The following RMDN2 variants were observed in gnomAD, a reference collection of about 807,000 sequenced individuals.
The protein encoded by RMDN2 is regulator of microtubule dynamics 2, also known as regulator of microtubule dynamics protein 2.
A neutral mutation model predicts 52.8 loss-of-function variants in RMDN2; 61 were observed. The observed-to-expected ratio is 1.16, with a 90% CI of 0.94 to 1.43. The LOEUF (loss-of-function observed/expected upper bound fraction) is 1.43. Ranked by LOEUF, RMDN2 falls within the 40% of genes most tolerant of loss-of-function variation. The pLI, the probability that RMDN2 is intolerant of heterozygous loss-of-function variation, is 0.00. For missense variants in RMDN2, 592 were observed against 475.3 expected, an observed-to-expected ratio of 1.25 and a Z score of -2.28; for synonymous variants, 180 against 153.1, an observed-to-expected ratio of 1.18 and a Z score of -1.30.
chr2:38,031,689 C>T lies in RMDN2; in HGVS notation c.1713+27473C>T, dbSNP rs115206771. On this transcript the variant is annotated intron_variant, in intron 10 of 10. Coordinates refer to the RMDN2 transcript ENST00000234195. ...TAAGTATTAGTGACTATTATCAACACCTGGCTTCTTTACAAAGAGAAGAAA... is the reference window on the plus strand; with the variant it reads ...TAAGTATTAGTGACTATTATCAACATCTGGCTTCTTTACAAAGAGAAGAAA... Among the ~76,000 whole-genome samples the T allele has an allele frequency of 1.7e-3, 252 of 152,252 alleles. 3 individuals are homozygous for T. The highest frequency in any genetic ancestry group is 3.4e-3 in the Middle Eastern group (1 of 294).
rs138772063 is a variant in RMDN2, at chr2:37,926,069, A to G, written c.-17+644A>G. 7.2e-3 allele frequency among the ~76,000 whole-genome samples: 1,102 copies of G among 152,150 alleles called. 32 individuals carry two copies. Among genetic ancestry groups the G allele is most frequent in the Admixed American group, 0.056 (855 of 15,290 alleles). On this transcript the variant is annotated intron_variant, in intron 1 of 10. Coordinates refer to ENST00000354545, the MANE Select transcript of RMDN2 (RefSeq NM_001170791.3). The stretch of plus-strand genomic sequence containing the variant: ...CTGTAGGAAATCTGATCACTAGTTC[A>G]AGGTCTCAGTGCAATTCTCTTAGGA...
chr2:38,027,923 C>T (rs1003392980), intron 10 of RMDN2, among the ~76,000 whole-genome samples: 2 of 152,186 alleles, frequency 1.3e-5, no homozygotes, highest in East Asian at 1.9e-4. Flanking sequence ...GTGTGGAATT[C>T]ATCTGGAGCC....
intron 2 of RMDN2, among the ~76,000 whole-genome samples, chr2:37,968,372 T>C (rs1671350268): frequency 1.4e-5 from 2 of 140,760 alleles, no homozygotes; most frequent in Admixed American, 1.6e-4. Context: ...CCCGGAGGCG[T>C]AGGCAGCAGT....
chr2:38,034,305 C>T (rs942926089), intron 10 of RMDN2, among the ~76,000 whole-genome samples: 9 of 152,214 alleles, frequency 5.9e-5, no homozygotes, highest in African/African-American at 2.2e-4. Flanking sequence ...GGCTCACCCT[C>T]TACCACTATC....
chr2:37,961,199 G>A (rs1035758390), intron 2 of RMDN2, among the ~76,000 whole-genome samples: 1 of 151,986 alleles, frequency 6.6e-6, no homozygotes, highest in African/African-American at 2.4e-5. Context: ...TATCTTTGTG[G>A]TGTTCTCTGT....
At chr2:38,010,305 A>G (rs969913743) in intron 10 of RMDN2, among the ~76,000 whole-genome samples, 11 of 152,224 alleles carry the variant, frequency 7.2e-5, no homozygotes, top group African/African-American at 2.7e-4. Context: ...CCCTGCCCCC[A>G]GAGGTGGAGT....
intron 4 of RMDN2, among the ~76,000 whole-genome samples, chr2:37,980,119 T>TAGAAA (rs780890351): frequency 1.3e-5 from 2 of 152,144 alleles, no homozygotes; most frequent in Non-Finnish European, 2.9e-5. Context: ...ACCACTTATT[T>TAGAAA]AGAAAAGCAT....
intron 1 of RMDN2, among the ~76,000 whole-genome samples, chr2:37,928,364 T>G (rs1054738083): frequency 4.6e-5 from 7 of 152,232 alleles, no homozygotes; most frequent in Non-Finnish European, 1.0e-4. Flanking sequence ...TTTGAAACAT[T>G]ACATTTAGTT....
intron 2 of RMDN2, among the ~76,000 whole-genome samples, chr2:37,940,368 T>A (rs541002633): frequency 6.6e-6 from 1 of 152,156 alleles, no homozygotes; most frequent in Non-Finnish European, 1.5e-5. Context: ...TTTTGGGGTT[T>A]CCCTTCTCGA....
intron 10 of RMDN2, among the ~76,000 whole-genome samples, chr2:38,037,395 T>C (rs1276145793): frequency 6.6e-6 from 1 of 152,264 alleles, no homozygotes; most frequent in African/African-American, 2.4e-5. Context: ...ATAGAAGAAC[T>C]TGGTGAAGAC....
intron 8 of RMDN2, among the ~76,000 whole-genome samples, chr2:38,002,046 G>A (rs766657070): frequency 3.3e-5 from 5 of 152,098 alleles, no homozygotes; most frequent in South Asian, 2.1e-4. Context: ...GATTTATACC[G>A]AGTCTGGCTC....
At position 38,004,234 on chromosome 2, in the gene RMDN2, CA is replaced by C. The variant is rs762257064; in HGVS notation, c.1179+19del. 6 of 1,557,072 alleles carry C rather than the reference CA, an allele frequency of 3.9e-6. No individual in the cohort carries two copies. The South Asian group carries it at 6.7e-5, about 17-fold the overall frequency. On this transcript the variant is annotated intron_variant, in intron 10 of 10. Coordinates refer to ENST00000354545, the MANE Select transcript of RMDN2 (RefSeq NM_001170791.3). ...CCAAAGAGGTAAGTCCAGAAAGTGACAGTGAGTGCTGTTGTCTTGTTAGTAC... is the reference window on the plus strand; with the variant it reads ...CCAAAGAGGTAAGTCCAGAAAGTGACGTGAGTGCTGTTGTCTTGTTAGTAC...
At position 37,991,207 on chromosome 2, in the gene RMDN2, A is replaced by T; in HGVS notation, c.868-13A>T. 1 of 1,516,612 alleles carries T rather than the reference A, an allele frequency of 6.6e-7. No individual in the cohort carries two copies. The highest frequency in any genetic ancestry group is 1.2e-5 in the South Asian group (1 of 81,306). 93.9% of individuals were successfully genotyped at this position (1,516,612 alleles called of 1,614,324 possible). ...AACTTGGGAGATGATTTTCCTTTGG[A>T]TGCTTTTTTCAGGAACATCTAGATA... On this transcript the variant is annotated splice_polypyrimidine_tract_variant and intron_variant, in intron 6 of 10. Transcript: ENST00000354545.
chr2:37,969,106 G>C (rs1415777978), intron 2 of RMDN2, among the ~76,000 whole-genome samples: 1 of 150,050 alleles, frequency 6.7e-6, no homozygotes, highest in Non-Finnish European at 1.5e-5. Flanking sequence ...CAGTTTACCT[G>C]TTGCTATACC....
At chr2:37,966,712 CT>C (rs1462389968) in intron 2 of RMDN2, among the ~76,000 whole-genome samples, 2 of 151,974 alleles carry the variant, frequency 1.3e-5, no homozygotes, top group African/African-American at 4.8e-5. Flanking sequence ...CTGTTGGTCC[CT>C]TCCAGTAAAT....
chr2:38,006,791 A>G (rs1000937726), intron 10 of RMDN2, among the ~76,000 whole-genome samples: 2 of 152,186 alleles, frequency 1.3e-5, no homozygotes, highest in Non-Finnish European at 1.5e-5. Context: ...CCAGTTTTCA[A>G]AGGGAATGCT....
At chr2:38,050,725 G>T (rs1014395693) in intron 10 of RMDN2, among the ~76,000 whole-genome samples, 1 of 152,148 alleles carries the variant, frequency 6.6e-6, no homozygotes, top group Non-Finnish European at 1.5e-5. Context: ...TCATTACATG[G>T]TGGTTGTTTT....
chr2:38,061,850 G>A (rs1558596446), intron 10 of RMDN2, among the ~76,000 whole-genome samples: 1 of 152,062 alleles, frequency 6.6e-6, no homozygotes, highest in Non-Finnish European at 1.5e-5. Context: ...GCCTCGGCTG[G>A]GAGGTTCCAG....
chr2:37,971,056 A>G (rs754764649), intron 2 of RMDN2, among the ~76,000 whole-genome samples: 2 of 151,736 alleles, frequency 1.3e-5, no homozygotes, highest in Non-Finnish European at 1.5e-5. Context: ...TTTCATTTTG[A>G]TAAAGTCTAA....
Sources: allele counts gnomAD v4.1 joint callset (sites outside exome capture counted in the v4.1 genomes callset), GRCh38; gene constraint gnomAD v4.1.1; transcripts MANE v1.5; gene names NCBI Gene and HGNC (gene_info 2026-07-23, HGNC 2026-07-21).